Variants in DGKB observed in about 807,000 individuals in gnomAD.
DGKB encodes diacylglycerol kinase beta.
DGKB carries 67 observed loss-of-function variants against 114.3 expected under a neutral mutation model. The observed-to-expected ratio is 0.59, with a 90% CI of 0.48 to 0.72. DGKB has a LOEUF of 0.72. DGKB is among the 30% of genes least tolerant of loss of function. DGKB has a pLI of 0.00. For missense variants in DGKB, 907 were observed against 975.2 expected, an observed-to-expected ratio of 0.93 and a Z score of 0.93; for synonymous variants, 398 against 323.1, an observed-to-expected ratio of 1.23 and a Z score of -2.49.
At chr7:14,252,841 G>A (rs188623802) in intron 23 of DGKB, among the ~76,000 whole-genome samples, 141 of 152,254 alleles carry the variant, frequency 9.3e-4, no homozygotes, top group African/African-American at 3.2e-3. Flanking sequence ...TTCCCATGTG[G>A]AGGATATCTC....
At chr7:14,696,246 C>T (rs973933022) in intron 8 of DGKB, among the ~76,000 whole-genome samples, 4 of 152,184 alleles carry the variant, frequency 2.6e-5, no homozygotes, top group African/African-American at 9.6e-5. Flanking sequence ...GTAATCCCAG[C>T]ACTTTGGGAG....
intron 21 of DGKB, among the ~76,000 whole-genome samples, chr7:14,451,627 A>G (rs1831518772): frequency 1.3e-5 from 2 of 151,688 alleles, no homozygotes; most frequent in East Asian, 1.9e-4. Flanking sequence ...AAATACTCCT[A>G]TGTTATAAGA....
intron 2 of DGKB, among the ~76,000 whole-genome samples, chr7:14,780,789 T>G (rs1162293441): frequency 6.6e-6 from 1 of 152,236 alleles, no homozygotes; most frequent in Non-Finnish European, 1.5e-5. Flanking sequence ...CCCATATAAG[T>G]TGCCTTTTTA....
At chr7:14,941,996 CGAAT>C (rs887899459) in intron 1 of DGKB, among the ~76,000 whole-genome samples, 5 of 151,882 alleles carry the variant, frequency 3.3e-5, no homozygotes, top group Non-Finnish European at 5.9e-5. Context: ...TCTTTGCAAC[CGAAT>C]GAAAGTCTTG....
chr7:14,892,023 T>A (rs564786299), intron 1 of DGKB, among the ~76,000 whole-genome samples: 2 of 151,364 alleles, frequency 1.3e-5, no homozygotes, highest in Admixed American at 6.6e-5. Flanking sequence ...AAAAGAGTAA[T>A]ACAGGAAAAT....
chr7:14,254,373 C>T (rs1292224803), intron 23 of DGKB, among the ~76,000 whole-genome samples: 1 of 152,160 alleles, frequency 6.6e-6, no homozygotes, highest in Admixed American at 6.5e-5. Context: ...ATCTATTTCT[C>T]TGATCTTGAT....
intron 12 of DGKB, among the ~76,000 whole-genome samples, chr7:14,673,498 T>C (rs1295976492): frequency 6.6e-6 from 1 of 151,822 alleles, no homozygotes; most frequent in Non-Finnish European, 1.5e-5. Context: ...AGTTTTAACT[T>C]TGTAATTCAA....
At chr7:14,734,202 T>TC (rs1491479289) in intron 5 of DGKB, among the ~76,000 whole-genome samples, 1 of 25,932 alleles carries the variant, frequency 3.9e-5, no homozygotes, top group Non-Finnish European at 4.3e-4. Context: ...GCCCGGCTAA[T>TC]TTTTTTTTTT....
At chr7:14,769,828 C>T (rs567907416) in intron 2 of DGKB, among the ~76,000 whole-genome samples, 11 of 152,128 alleles carry the variant, frequency 7.2e-5, no homozygotes, top group African/African-American at 1.7e-4. Context: ...TCTGCCCTGT[C>T]GTCACATGAT....
At chr7:14,589,088 T>A (rs1210440903) in intron 17 of DGKB, among the ~76,000 whole-genome samples, 1 of 152,064 alleles carries the variant, frequency 6.6e-6, no homozygotes, top group Non-Finnish European at 1.5e-5. Flanking sequence ...ATAAATTTTC[T>A]ACTAACAGGT....
chr7:14,571,982 T>C (rs1188339943), intron 20 of DGKB, among the ~76,000 whole-genome samples: 1 of 152,070 alleles, frequency 6.6e-6, no homozygotes, highest in African/African-American at 2.4e-5. Flanking sequence ...CAATTTTCAG[T>C]ATTCAACAAA....
intron 1 of DGKB, among the ~76,000 whole-genome samples, chr7:14,957,522 A>T (rs1340651786): frequency 6.6e-6 from 1 of 152,054 alleles, no homozygotes. Context: ...AGTGTGCCAC[A>T]ATCAGGAGGA....
At chr7:14,255,596 C>T (rs1194589014) in intron 23 of DGKB, among the ~76,000 whole-genome samples, 1 of 152,102 alleles carries the variant, frequency 6.6e-6, no homozygotes, top group Non-Finnish European at 1.5e-5. Context: ...AAATAATGCC[C>T]TTGCTAAAGA....
At chr7:14,572,347 G>A (rs1308118839) in intron 20 of DGKB, among the ~76,000 whole-genome samples, 1 of 151,514 alleles carries the variant, frequency 6.6e-6, no homozygotes, top group Non-Finnish European at 1.5e-5. Flanking sequence ...AGCTACTCGG[G>A]AGGCTGAGGC....
intron 23 of DGKB, among the ~76,000 whole-genome samples, chr7:14,275,357 G>A (rs1023299792): frequency 1.3e-5 from 2 of 152,036 alleles, no homozygotes; most frequent in Admixed American, 1.3e-4. Flanking sequence ...AATAATATTG[G>A]ATTATGAGCA....
At chr7:14,507,386 T>C (rs1276193381) in intron 20 of DGKB, among the ~76,000 whole-genome samples, 1 of 152,142 alleles carries the variant, frequency 6.6e-6, no homozygotes, top group African/African-American at 2.4e-5. Flanking sequence ...GAGCATACTG[T>C]CAGAAATGCT....
intron 21 of DGKB, among the ~76,000 whole-genome samples, chr7:14,424,659 G>A (rs1452477584): frequency 6.6e-6 from 1 of 152,048 alleles, no homozygotes; most frequent in Non-Finnish European, 1.5e-5. Context: ...GTATGGTTAA[G>A]CTTCAAACCG....
intron 20 of DGKB, among the ~76,000 whole-genome samples, chr7:14,483,759 G>A (rs556813705): frequency 1.2e-4 from 18 of 152,230 alleles, no homozygotes; most frequent in African/African-American, 4.1e-4. Context: ...GAGACGATGC[G>A]ACTACAAAGG....
intron 23 of DGKB, among the ~76,000 whole-genome samples, chr7:14,303,453 C>G (rs916356228): frequency 5.3e-5 from 8 of 151,978 alleles, no homozygotes; most frequent in South Asian, 4.1e-4. Context: ...ATTATTGGTC[C>G]TTTTGATACT....
Sources: gnomAD v4.1 joint callset for allele counts (sites outside exome capture counted in the v4.1 genomes callset) on GRCh38, gnomAD v4.1.1 for gene constraint, MANE v1.5 for transcripts, NCBI Gene and HGNC (gene_info 2026-07-23, HGNC 2026-07-21) for gene names.